DHX9: variants seen among roughly 807,000 people sequenced by gnomAD.
DHX9 encodes the protein DExH-box helicase 9, also known as ATP-dependent RNA helicase A.
Under a neutral mutation model 148.7 loss-of-function variants are expected in DHX9, and 27 were observed. That is an observed-to-expected ratio of 0.18 (90% CI 0.13 to 0.25). The LOEUF is 0.25. Ranked by LOEUF, DHX9 falls within the 10% of genes least tolerant of loss-of-function variation. The pLI, the probability that DHX9 is intolerant of heterozygous loss-of-function variation, is 1.00. For missense variants in DHX9, 796 were observed against 1,559.6 expected, an observed-to-expected ratio of 0.51 and a Z score of 8.25; for synonymous variants, 529 against 516.6, an observed-to-expected ratio of 1.02 and a Z score of -0.33.
In DHX9 at chr1:182,883,535, A is replaced by G. The variant is rs1649181498; in HGVS notation, c.3160A>G (p.Ile1054Val). The change falls in exon 26 of 28, where the codon ATC becomes GTC. Residue 1054 changes from isoleucine (I) to valine (V), a missense_variant. By Grantham distance (29) the Ile-to-Val change is conservative. Transcript: ENST00000367549. ...VFGEKIRTRA[I>V]SAKGMTLVTP... ...CCATTTGCAGATTCGAACTCGAGCC[A>G]TCTCTGCTAAAGGCATGACTTTAGT... The G allele has an allele frequency of 6.2e-7, 1 of 1,613,420 alleles. No individual in the cohort carries two copies. The highest frequency in any genetic ancestry group is 1.3e-5 in the African/African-American group (1 of 74,902).
At chr1:182,872,170 C>G (rs1309002418) in intron 14 of DHX9, among the ~76,000 whole-genome samples, 167 bp from the exon 15 acceptor site, 1 of 152,184 alleles carries the variant, frequency 6.6e-6, no homozygotes, top group Admixed American at 6.5e-5. Context: ...TTATTGTTAT[C>G]TTAAAAATTG....
chr1:182,842,743 G>C, intron 2 of DHX9, 66 bp downstream of exon 2: 1 of 1,323,382 alleles, frequency 7.6e-7, no homozygotes, highest in Non-Finnish European at 1.1e-6. Context: ...AAAGAAAAAT[G>C]TTTTCTGTTT....
chr1:182,876,947 C>G (rs776204188), intron 19 of DHX9, 44 bp downstream of exon 19: 1 of 1,410,328 alleles, frequency 7.1e-7, no homozygotes, highest in South Asian at 1.2e-5. Context: ...GTGTTACTAA[C>G]TGGAAACTTC....
At chr1:182,871,740 T>A (rs1234983042) in intron 14 of DHX9, among the ~76,000 whole-genome samples, 1 of 152,198 alleles carries the variant, frequency 6.6e-6, no homozygotes, top group African/African-American at 2.4e-5. Context: ...AATGCTGTTG[T>A]ATATAAAAAA....
In DHX9 at chr1:182,858,513, T is replaced by G. The variant is rs763011940; in HGVS notation, c.811-38T>G. 9.3e-5 allele frequency: 142 copies of G among 1,525,308 alleles called. No homozygotes were observed. In the Middle Eastern group the frequency reaches 2.3e-3, roughly 25 times the overall value. The allele number at this position is 1,525,308 out of a possible 1,614,324, so 94.5% of individuals were successfully genotyped here. ...TAGTCTTAGCCCCATTATAGTAGAT[T>G]TGAGTAGTGTTGTTAATGTGTGATC... On this transcript the variant is annotated intron_variant, in intron 8 of 27. Transcript: ENST00000367549.
chr1:182,883,034 A>G lies in DHX9; in HGVS notation c.2915-105A>G, dbSNP rs549663011. The G allele has an allele frequency of 1.7e-5, 13 of 757,258 alleles. No homozygotes were observed. In the East Asian group the frequency reaches 3.4e-4, roughly 20 times the overall value. The allele number at this position is 757,258 out of a possible 1,614,324, so 46.9% of individuals were successfully genotyped here. ...AGTTTTACAGACAGGTTATGTGAAAAGAGTGAGGAAGAGTCAGTTCTCTGA... is the reference window on the plus strand; with the variant it reads ...AGTTTTACAGACAGGTTATGTGAAAGGAGTGAGGAAGAGTCAGTTCTCTGA... On this transcript the variant is annotated intron_variant, in intron 24 of 27. Transcript: ENST00000367549.
In DHX9 at chr1:182,848,682, T is replaced by G. The variant is rs146846762; in HGVS notation, c.253-3551T>G. ...TTATTAGTCCATTCTTGCATTGCTA[T>G]AAAATACCTGAGACTGCATAATTTA... is the stretch of plus-strand genomic sequence containing the variant. On this transcript the variant is annotated intron_variant, in intron 3 of 27. Coordinates refer to ENST00000367549, the MANE Select transcript of DHX9 (RefSeq NM_001357.5). 4.7e-4 allele frequency among the ~76,000 whole-genome samples: 71 copies of G among 152,328 alleles called. 1 individual carries two copies. The East Asian group carries it at 0.013, about 29-fold the overall frequency.
At chr1:182,867,204 A>G (rs372052468) in intron 14 of DHX9, among the ~76,000 whole-genome samples, 161 bp downstream of exon 14, 11 of 152,234 alleles carry the variant, frequency 7.2e-5, no homozygotes, top group South Asian at 2.1e-4. Flanking sequence ...AGATTATTCA[A>G]TCTTTTTTTT....
chr1:182,843,232 G>A (rs1005446756), intron 2 of DHX9, 62 bp from the exon 3 acceptor site: 13 of 1,376,800 alleles, frequency 9.4e-6, no homozygotes, highest in East Asian at 7.7e-5. Flanking sequence ...ACTGAATTAC[G>A]ACTTTTTAAA....
At chr1:182,870,655 T>C (rs1436655883) in intron 14 of DHX9, among the ~76,000 whole-genome samples, 1 of 152,154 alleles carries the variant, frequency 6.6e-6, no homozygotes, top group Non-Finnish European at 1.5e-5. Context: ...TCCATATAGA[T>C]TGAGAACTTT....
chr1:182,843,806 T>C (rs1431166590), intron 3 of DHX9, among the ~76,000 whole-genome samples: 1 of 152,214 alleles, frequency 6.6e-6, no homozygotes, highest in Non-Finnish European at 1.5e-5. Context: ...ACACTCCCCC[T>C]GCCCCGTAAG....
intron 27 of DHX9, among the ~76,000 whole-genome samples, chr1:182,885,684 A>G (rs1022374983): frequency 6.6e-5 from 10 of 152,200 alleles, no homozygotes; most frequent in African/African-American, 2.2e-4. Context: ...TTTAATATAA[A>G]CAAGGAAACC....
rs562136431 is a variant in DHX9 at position 182,881,657 on chromosome 1, C to T, written c.2914+10C>T. 3.2e-6 allele frequency: 5 copies of T among 1,584,406 alleles called. No homozygotes were observed. Among genetic ancestry groups the T allele is most frequent in the South Asian group, 2.3e-5 (2 of 85,300 alleles). ...TCTGGGTTTCCAGAAGGTAAGACTT[C>T]TTCCATTCTTAAGATATCTTTAAAG... On this transcript the variant is annotated intron_variant, in intron 24 of 27. Transcript: ENST00000367549.
At position 182,879,633 on chromosome 1, in the gene DHX9, A is replaced by G. The variant is rs970896944; in HGVS notation, c.2512+223A>G. Among the ~76,000 whole-genome samples, 6 of 152,214 alleles carry G rather than the reference A, an allele frequency of 3.9e-5. 1 individual carries two copies. The highest frequency in any genetic ancestry group is 3.3e-4 in the Admixed American group (5 of 15,286). ...GACAATGTGAGTCTTTAAAAAAGAAAAGAAAACTTAAAAAGGCATCTCTTA... is the reference window on the plus strand; with the variant it reads ...GACAATGTGAGTCTTTAAAAAAGAAGAGAAAACTTAAAAAGGCATCTCTTA... On this transcript the variant is annotated intron_variant, in intron 21 of 27. Coordinates refer to ENST00000367549, the MANE Select transcript of DHX9 (RefSeq NM_001357.5).
intron 19 of DHX9, 44 bp from the exon 20 acceptor site, chr1:182,877,977 A>G (rs200173348): frequency 6.2e-7 from 1 of 1,607,854 alleles, no homozygotes; most frequent in Non-Finnish European, 8.5e-7. Context: ...ATAGTTATTG[A>G]TAATACACAT....
At position 182,844,877 on chromosome 1, in the gene DHX9, T is replaced by G. The variant is rs567490774; in HGVS notation, c.252+1443T>G. ...AGATTTTCACCATGTTGGCCAGGCT[T>G]GTCTTGAACTCCTGACCTCAAGTGA... is the stretch of plus-strand genomic sequence containing the variant. On this transcript the variant is annotated intron_variant, in intron 3 of 27. Transcript: ENST00000367549. Among the ~76,000 whole-genome samples the G allele has an allele frequency of 5.3e-5, 8 of 151,870 alleles. No individual in the cohort carries two copies. The South Asian group carries it at 1.5e-3, about 28-fold the overall frequency.
intron 14 of DHX9, among the ~76,000 whole-genome samples, chr1:182,868,381 A>C (rs1313085889): frequency 6.6e-6 from 1 of 152,180 alleles, no homozygotes; most frequent in Non-Finnish European, 1.5e-5. Flanking sequence ...TTCAAGCATA[A>C]CAGTCAAAAA....
At chr1:182,857,958 TTAA>T (rs1294319855) in intron 7 of DHX9, 143 bp from the exon 8 acceptor site, 1 of 731,582 alleles carries the variant, frequency 1.4e-6, no homozygotes, top group African/African-American at 1.8e-5. Flanking sequence ...TTAGCAGATA[TTAA>T]TAGAATAAAA....
intron 11 of DHX9, 94 bp from the exon 12 acceptor site, chr1:182,859,899 C>G: frequency 7.9e-7 from 1 of 1,267,426 alleles, no homozygotes. Flanking sequence ...CCACCGCGCC[C>G]AGTCTATAGA....
Sources: allele counts gnomAD v4.1 joint callset (sites outside exome capture counted in the v4.1 genomes callset), GRCh38; gene constraint gnomAD v4.1.1; transcripts MANE v1.5; gene names NCBI Gene and HGNC (gene_info 2026-07-23, HGNC 2026-07-21).